ZNF638: variants seen among roughly 807,000 people sequenced by gnomAD.
The protein encoded by ZNF638 is CTCL tumor antigen se33-1.
In ZNF638, 46 loss-of-function variants were observed where a neutral mutation model predicts 195.6. The observed-to-expected ratio is 0.24, with a 90% CI of 0.19 to 0.30. The LOEUF (loss-of-function observed/expected upper bound fraction) is 0.30, where lower values mean the gene tolerates loss of function less well. ZNF638 is among the 10% of genes least tolerant of loss of function. The pLI is 1.00. For missense variants in ZNF638, 2,440 were observed against 2,325.3 expected (o/e 1.05, Z -1.01); for synonymous variants, 845 against 772.0 (o/e 1.09, Z -1.57).
chr2:71,349,103 G>A lies in ZNF638; in HGVS notation c.149G>A (p.Gly50Glu). ...TTTTACCCAGCAGGGAGAGCACGTG[G>A]AATTCCACACAGATTTGCTGGCCAT... ...PRFYPAGRAR[G>E]IPHRFAGHES... The change falls in exon 2 of 28, where the codon GGA becomes GAA. Residue 50 changes from glycine to glutamate, a missense_variant. Around this residue, in one of 5 missense-constraint regions of ZNF638, gnomAD observed 191 missense variants for 173.8 expected, o/e 1.10. Coordinates refer to ENST00000264447, the MANE Select transcript of ZNF638 (RefSeq NM_014497.5). 8 of 1,614,168 alleles carry A rather than the reference G, an allele frequency of 5.0e-6. No individual in the cohort carries two copies. The highest frequency in any genetic ancestry group is 6.8e-6 in the Non-Finnish European group (8 of 1,180,032).
intron 20 of ZNF638, 88 bp from the exon 21 acceptor site, chr2:71,418,514 T>G: frequency 1.1e-6 from 1 of 934,074 alleles, no homozygotes; most frequent in South Asian, 2.3e-5. Flanking sequence ...TTTTTTGAGC[T>G]TAAATTTTTA....
rs752839140 is a variant in ZNF638, at chr2:71,434,850, C to T, written c.*43C>T. 1.3e-5 allele frequency: 20 copies of T among 1,495,418 alleles called. No individual in the cohort carries two copies. Among genetic ancestry groups the T allele is most frequent in the Middle Eastern group, 1.8e-4 (1 of 5,666 alleles). 92.6% of individuals were successfully genotyped at this position (1,495,418 alleles called of 1,614,324 possible). On this transcript the variant is annotated 3_prime_UTR_variant, in exon 28 of 28. Coordinates refer to ENST00000264447, the MANE Select transcript of ZNF638 (RefSeq NM_014497.5). ...ATTCACTAGAAATTTGTTTAGGGTC[C>T]AGTTGATTTGTGTATTTTTGTTATC... is the stretch of plus-strand genomic sequence containing the variant.
At chr2:71,339,608 C>T (rs2078730625) in intron 1 of ZNF638, among the ~76,000 whole-genome samples, 1 of 152,124 alleles carries the variant, frequency 6.6e-6, no homozygotes, top group African/African-American at 2.4e-5. Flanking sequence ...ATATTGAATA[C>T]CTTCATTATT....
chr2:71,381,443 A>T (rs925033059), intron 10 of ZNF638, among the ~76,000 whole-genome samples: 7 of 152,150 alleles, frequency 4.6e-5, no homozygotes, highest in African/African-American at 1.7e-4. Context: ...GGCTTCTGGA[A>T]GGCAGTACAT....
At chr2:71,422,170 A>T (rs1558882727) in intron 21 of ZNF638, among the ~76,000 whole-genome samples, 1 of 152,142 alleles carries the variant, frequency 6.6e-6, no homozygotes, top group South Asian at 2.1e-4. Flanking sequence ...ACATAAGGTG[A>T]TTATATCAGG....
intron 1 of ZNF638, chr2:71,332,740 G>A (rs2078594894): frequency 6.6e-6 from 1 of 152,086 alleles, no homozygotes; most frequent in African/African-American, 2.4e-5. Context: ...TGTTAATGAG[G>A]GATACTTCAG....
chr2:71,349,560 A>C lies in ZNF638; in HGVS notation c.606A>C (p.Glu202Asp), dbSNP rs745566926. 10 of 1,614,226 alleles carry C rather than the reference A, an allele frequency of 6.2e-6. No individual in the cohort carries two copies. In the Admixed American group the frequency reaches 1.7e-4, roughly 27 times the overall value. The change falls in exon 2 of 28, where the codon GAA becomes GAC. Residue 202 changes from glutamate to aspartate, a missense_variant. Coordinates refer to ENST00000264447, the MANE Select transcript of ZNF638 (RefSeq NM_014497.5). Reference protein sequence around the residue: ...QSRNKETLGSEAVSSNVIDYG... With the variant: ...QSRNKETLGSDAVSSNVIDYG... ...GAAATAAAGAAACACTTGGTAGTGAAGCAGTTTCAAGTAATGTGATCGATT... is the reference window on the plus strand; with the variant it reads ...GAAATAAAGAAACACTTGGTAGTGACGCAGTTTCAAGTAATGTGATCGATT...
chr2:71,332,181 G>A (rs1186013043), intron 1 of ZNF638, among the ~76,000 whole-genome samples: 1 of 152,248 alleles, frequency 6.6e-6, no homozygotes, highest in East Asian at 1.9e-4. Flanking sequence ...GCACTGGGCC[G>A]AGGATCGTGA....
chr2:71,335,633 A>C (rs1241630907), intron 1 of ZNF638, among the ~76,000 whole-genome samples: 1 of 152,218 alleles, frequency 6.6e-6, no homozygotes, highest in Admixed American at 6.5e-5. Flanking sequence ...GTGCCTGTCC[A>C]GTTTCAATTA....
chr2:71,372,389 C>G (rs966270172), intron 8 of ZNF638, among the ~76,000 whole-genome samples: 3 of 152,170 alleles, frequency 2.0e-5, no homozygotes, highest in African/African-American at 7.2e-5. Context: ...TGGGTGCTGG[C>G]TGAGTACAGC....
chr2:71,399,641 A>C lies in ZNF638; in HGVS notation c.2583A>C (p.Ile861=). Residue 861 remains isoleucine (I), a synonymous_variant, in exon 13 of 28, where the codon ATA becomes ATC. Transcript: ENST00000264447. ...AAGACTCTAACAAACCTGTGACTAT[A>C]CCAGGTAAGCTTGAAATGTGGTCAT... The part of the protein sequence containing the change: ...KNKDSNKPVT[I]PENSEIKTSI... 5 of 1,608,892 alleles carry C rather than the reference A, an allele frequency of 3.1e-6. No individual in the cohort carries two copies. Among genetic ancestry groups the C allele is most frequent in the Non-Finnish European group, 4.2e-6 (5 of 1,177,438 alleles).
intron 3 of ZNF638, among the ~76,000 whole-genome samples, chr2:71,356,755 C>T (rs1028611093): frequency 7.9e-5 from 12 of 151,528 alleles, no homozygotes; most frequent in Admixed American, 7.2e-4. Context: ...TGCCACTGCA[C>T]TCTAGCCTGG....
intron 8 of ZNF638, among the ~76,000 whole-genome samples, chr2:71,370,533 T>G (rs926613631): frequency 2.6e-5 from 4 of 152,232 alleles, no homozygotes; most frequent in African/African-American, 4.8e-5. Flanking sequence ...AGATAATATC[T>G]ATAGAATTAC....
rs2078908773 is a variant in ZNF638, at chr2:71,349,683, G to T, written c.729G>T (p.Gln243His). ...IPTDEVENEFQSQQNISASVP... is the reference protein window; with the variant it reads ...IPTDEVENEFHSQQNISASVP... ...CTGATGAGGTCGAGAATGAATTTCA[G>T]TCACAGCAGAACATTTCTGCATCTG... Residue 243 changes from glutamine (Q) to histidine (H), a missense_variant, in exon 2 of 28, where the codon CAG becomes CAT. Gln to His is a conservative substitution (Grantham distance 24, BLOSUM62 0). This residue lies in a region of ZNF638 where 305 missense variants were observed against 283.6 expected (regional missense o/e 1.08). Coordinates refer to ENST00000264447, the MANE Select transcript of ZNF638 (RefSeq NM_014497.5). 1 of 1,614,196 alleles carries T rather than the reference G, an allele frequency of 6.2e-7. No homozygotes were observed. The highest frequency in any genetic ancestry group is 8.5e-7 in the Non-Finnish European group (1 of 1,180,032).
intron 23 of ZNF638, among the ~76,000 whole-genome samples, chr2:71,426,214 GAATTT>G (rs2080536847): frequency 6.6e-6 from 1 of 151,860 alleles, no homozygotes; most frequent in African/African-American, 2.4e-5. Context: ...TAATCTTATT[GAATTT>G]AAGTAAAAGT....
chr2:71,386,951 G>A (rs2079653842), intron 10 of ZNF638, among the ~76,000 whole-genome samples: 1 of 151,626 alleles, frequency 6.6e-6, no homozygotes, highest in South Asian at 2.1e-4. Flanking sequence ...AGGTTCAAGT[G>A]CTTCTTCCAC....
At chr2:71,351,058 C>T (rs934958091) in intron 2 of ZNF638, among the ~76,000 whole-genome samples, 5 of 152,084 alleles carry the variant, frequency 3.3e-5, no homozygotes, top group African/African-American at 1.2e-4. Flanking sequence ...TATTTACTTA[C>T]GTATGGTTGG....
At chr2:71,353,992 G>A (rs1288221711) in intron 2 of ZNF638, among the ~76,000 whole-genome samples, 1 of 152,106 alleles carries the variant, frequency 6.6e-6, no homozygotes, top group Non-Finnish European at 1.5e-5. Context: ...TCAGTTCCAT[G>A]GCTTAATGAA....
chr2:71,374,068 C>G (rs1398942444), intron 8 of ZNF638: 6 of 152,242 alleles, frequency 3.9e-5, no homozygotes, highest in African/African-American at 1.4e-4. Context: ...TCAGGTGATT[C>G]TCCTGCCTCG....
Sources: gnomAD v4.1 joint callset for allele counts (sites outside exome capture counted in the v4.1 genomes callset) on GRCh38, gnomAD v4.1.1 for gene constraint, gnomAD v4.1.1 regional missense constraint, MANE v1.5 for transcripts, NCBI Gene and HGNC (gene_info 2026-07-23, HGNC 2026-07-21) for gene names.